HEATR1: variants seen among roughly 807,000 people sequenced by gnomAD.
HEATR1 encodes HEAT repeat containing 1, also known as HEAT repeat-containing protein 1.
HEATR1 carries 77 observed loss-of-function variants against 248.2 expected under a neutral mutation model. The ratio of observed to expected loss-of-function variants is 0.31; its 90% CI spans 0.26 to 0.37. HEATR1 has a LOEUF of 0.37. Ranked by LOEUF, HEATR1 falls within the 10% of genes least tolerant of loss-of-function variation. HEATR1 has a pLI of 1.00. For missense variants in HEATR1, 2,420 were observed against 2,504.9 expected, an observed-to-expected ratio of 0.97 and a Z score of 0.72; for synonymous variants, 897 against 923.1, an observed-to-expected ratio of 0.97 and a Z score of 0.51.
chr1:236,549,352 T>A lies in HEATR1; in HGVS notation c.*1550A>T, dbSNP rs1310420559. 3 of 181,464 alleles carry A rather than the reference T, an allele frequency of 1.7e-5. No homozygotes were observed. Among genetic ancestry groups the A allele is most frequent in the African/African-American group, 7.0e-5 (3 of 42,794 alleles). The allele number at this position is 181,464 out of a possible 1,614,324, so 11.2% of individuals were successfully genotyped here. A position where few individuals can be genotyped will look rare whatever the true frequency, so the allele number is the denominator to read the frequency against. On this transcript the variant is annotated 3_prime_UTR_variant, in exon 45 of 45. Transcript: ENST00000366582. The stretch of plus-strand genomic sequence containing the variant: ...ATATGGGATCTTTACAGGTCAGATC[T>A]TGTTACAGGAAATTTCAAAGGTTTG...
chr1:236,553,148 A>G (rs1213411996), intron 43 of HEATR1, among the ~76,000 whole-genome samples: 3 of 152,212 alleles, frequency 2.0e-5, no homozygotes, highest in African/African-American at 7.2e-5. Flanking sequence ...TTACTCAACA[A>G]GATCATAAGC....
At chr1:236,564,732 A>T (rs771059635) in intron 31 of HEATR1, 71 bp from the exon 32 acceptor site, 292 of 1,399,456 alleles carry the variant, frequency 2.1e-4, no homozygotes, top group Non-Finnish European at 2.7e-4. Flanking sequence ...TAACAGATAT[A>T]ACCTTTCAAG....
rs1663926074 is a variant in HEATR1, at chr1:236,587,483, T to G, written c.1634A>C (p.Lys545Thr). 1.3e-6 allele frequency: 2 copies of G among 1,500,494 alleles called. No homozygotes were observed. Among genetic ancestry groups the G allele is most frequent in the Admixed American group, 4.0e-5 (2 of 49,568 alleles). The allele number at this position is 1,500,494 out of a possible 1,614,324, so 92.9% of individuals were successfully genotyped here. A position where few individuals can be genotyped will look rare whatever the true frequency, so the allele number is the denominator to read the frequency against. The change falls in exon 14 of 45, where the codon AAA becomes ACA. Residue 545 changes from lysine to threonine, a missense_variant. Lys to Thr is a moderately conservative substitution (Grantham distance 78, BLOSUM62 -1). Coordinates refer to ENST00000366582, the MANE Select transcript of HEATR1 (RefSeq NM_018072.6). ...CGTCACTTCTGAACTGAAGTGTTCT[T>G]TGAAAATCTAAAGGGAAAAAAATAT... Reference protein sequence around the residue: ...LSAISAFEIFKEHFSSEVTIS... With the variant: ...LSAISAFEIFTEHFSSEVTIS...
At chr1:236,602,826 A>C (rs1232912991) in intron 3 of HEATR1, 4 of 204,390 alleles carry the variant, frequency 2.0e-5, no homozygotes, top group African/African-American at 7.0e-5. Flanking sequence ...TGGGAGGCTG[A>C]GGTGGGAGAA....
intron 30 of HEATR1, among the ~76,000 whole-genome samples, 193 bp downstream of exon 30, chr1:236,566,453 G>A (rs896972037): frequency 3.3e-5 from 5 of 152,058 alleles, no homozygotes; most frequent in African/African-American, 4.8e-5. Flanking sequence ...CTGCAACTGA[G>A]GATATTCAGA....
chr1:236,595,689 A>C lies in HEATR1; in HGVS notation c.957-16T>G. On this transcript the variant is annotated splice_polypyrimidine_tract_variant and intron_variant, in intron 7 of 44. Coordinates refer to ENST00000366582, the MANE Select transcript of HEATR1 (RefSeq NM_018072.6). ...AGGGAATGGCCTTTGAAGAAGCAAA[A>C]GTACATATCGTGTTGACTTTACAAG... 1 of 1,607,670 alleles carries C rather than the reference A, an allele frequency of 6.2e-7. No individual in the cohort carries two copies. The highest frequency in any genetic ancestry group is 1.1e-5 in the South Asian group (1 of 89,792).
At chr1:236,575,018 C>T in intron 22 of HEATR1, 115 bp from the exon 23 acceptor site, 2 of 959,208 alleles carry the variant, frequency 2.1e-6, no homozygotes, top group South Asian at 3.5e-5. Flanking sequence ...GAGGAAAAAA[C>T]CCAATGATGG....
In HEATR1 at chr1:236,571,645, T is replaced by C; in HGVS notation, c.3749A>G (p.Tyr1250Cys). 6.2e-7 allele frequency: 1 copy of C among 1,614,134 alleles called. No homozygotes were observed. Among genetic ancestry groups the C allele is most frequent in the Non-Finnish European group, 8.5e-7 (1 of 1,179,956 alleles). ...ACAACTAAGAATTAATTGTTTGGTG[T>C]ATTCCATATTTCCCTGCTCTTGTGG... ...PLPQEQGNME[Y>C]TKQLILSCLL... Residue 1250 changes from tyrosine (Y) to cysteine (C), a missense_variant, in exon 27 of 45, where the codon TAC becomes TGC. By Grantham distance (194) the Tyr-to-Cys change is radical. Transcript: ENST00000366582.
chr1:236,593,979 T>C (rs1664109446), intron 9 of HEATR1, 33 bp downstream of exon 9: 1 of 1,397,380 alleles, frequency 7.2e-7, no homozygotes. Context: ...CACAAAAATG[T>C]AAATCAAAAG....
chr1:236,568,102 T>A (rs1003482301), intron 29 of HEATR1, among the ~76,000 whole-genome samples: 1 of 152,230 alleles, frequency 6.6e-6, no homozygotes, highest in African/African-American at 2.4e-5. Flanking sequence ...AGATCATGCC[T>A]TTTCTCATAC....
At chr1:236,593,911 T>C in intron 9 of HEATR1, 101 bp downstream of exon 9, 2 of 737,262 alleles carry the variant, frequency 2.7e-6, no homozygotes, top group Non-Finnish European at 4.6e-6. Flanking sequence ...CAAAACAAGA[T>C]ATACATTAAA....
At chr1:236,569,595 A>G (rs1052166284) in intron 28 of HEATR1, among the ~76,000 whole-genome samples, 1 of 152,228 alleles carries the variant, frequency 6.6e-6, no homozygotes, top group Admixed American at 6.5e-5. Flanking sequence ...CACAAATACT[A>G]CTTCACACCC....
intron 32 of HEATR1, among the ~76,000 whole-genome samples, 158 bp downstream of exon 32, chr1:236,564,340 C>A (rs568921258): frequency 1.3e-5 from 2 of 152,158 alleles, no homozygotes; most frequent in East Asian, 1.9e-4. Flanking sequence ...TCATGACGAA[C>A]GGCTTTTCAT....
chr1:236,563,556 G>C (rs1183267182), intron 32 of HEATR1, among the ~76,000 whole-genome samples: 1 of 152,146 alleles, frequency 6.6e-6, no homozygotes, highest in East Asian at 1.9e-4. Flanking sequence ...ACAGGTGTGA[G>C]CGAGGATTTT....
rs1662691413 is a variant in HEATR1 at position 236,550,737 on chromosome 1, AG to A, written c.*164del. 1.8e-6 allele frequency: 1 copy of A among 564,316 alleles called. No individual in the cohort carries two copies. 35.0% of individuals were successfully genotyped at this position (564,316 alleles called of 1,614,324 possible). A position where few individuals can be genotyped will look rare whatever the true frequency, so the allele number is the denominator to read the frequency against. ...GATAGGCAGGAGAGGCTTATGTGGC[AG>A]CACAAGCCAGGTGGGGATTTTGTAA... On this transcript the variant is annotated 3_prime_UTR_variant, in exon 45 of 45. Coordinates refer to ENST00000366582, the MANE Select transcript of HEATR1 (RefSeq NM_018072.6).
intron 9 of HEATR1, among the ~76,000 whole-genome samples, 195 bp from the exon 10 acceptor site, chr1:236,592,828 CACTTTCGG>C (rs937679256): frequency 1.3e-5 from 2 of 152,168 alleles, no homozygotes; most frequent in Admixed American, 1.3e-4. Flanking sequence ...ATAATCCCAG[CACTTTCGG>C]AGGCCGGGGC....
chr1:236,579,645 T>C (rs1253721892), intron 20 of HEATR1, among the ~76,000 whole-genome samples: 1 of 152,178 alleles, frequency 6.6e-6, no homozygotes, highest in Non-Finnish European at 1.5e-5. Flanking sequence ...TATAGAGTTG[T>C]TCTTATCCAA....
Position 236,601,866 on chromosome 1 carries a change from T to C in HEATR1, c.359+1294A>G, listed in dbSNP as rs377740231. Among the ~76,000 whole-genome samples, 7 of 151,334 alleles carry C rather than the reference T, an allele frequency of 4.6e-5. No individual in the cohort carries two copies. The South Asian group carries it at 1.0e-3, about 23-fold the overall frequency. On this transcript the variant is annotated intron_variant, in intron 3 of 44. Coordinates refer to ENST00000366582, the MANE Select transcript of HEATR1 (RefSeq NM_018072.6). ...TAAAAAGACAGCCGTGTGCAGTGGC[T>C]GTGGTGGCTCACACCAGCACTTTGG...
rs1215431003 is a variant in HEATR1 at position 236,564,556 on chromosome 1, T to G, written c.4541A>C (p.Lys1514Thr). ...THTSKQLRHF[K>T]FLSVSFMSQL... ...AGACATGAAGGACACTGACAAAAAT[T>G]TAAAATGCCGCAGTTGCTTGCTAGT... Residue 1514 changes from lysine to threonine, a missense_variant, in exon 32 of 45, where the codon AAA (lysine) becomes ACA (threonine). Transcript: ENST00000366582. 1 of 1,613,898 alleles carries G rather than the reference T, an allele frequency of 6.2e-7. No homozygotes were observed. Among genetic ancestry groups the G allele is most frequent in the East Asian group, 2.2e-5 (1 of 44,882 alleles).
Sources: allele counts gnomAD v4.1 joint callset (sites outside exome capture counted in the v4.1 genomes callset), GRCh38; gene constraint gnomAD v4.1.1; transcripts MANE v1.5; gene names NCBI Gene and HGNC (gene_info 2026-07-23, HGNC 2026-07-21).